NARS2: variants seen among roughly 807,000 people sequenced by gnomAD.
NARS2 encodes asparaginyl-tRNA synthetase 2, mitochondrial, also known as asparaginyl-tRNA synthetase.
Under a neutral mutation model 62.9 loss-of-function variants are expected in NARS2, and 60 were observed. That is an observed-to-expected ratio of 0.95 (90% CI 0.77 to 1.18). NARS2 has a LOEUF of 1.18. Among genes scored for constraint, NARS2 ranks in the 50% most tolerant of loss-of-function variants. The pLI, the probability that NARS2 is intolerant of heterozygous loss-of-function variation, is 0.00. For synonymous variants in NARS2, 196 were observed against 200.0 expected, an observed-to-expected ratio of 0.98 and a Z score of 0.17; for missense variants, 619 against 576.4, an observed-to-expected ratio of 1.07 and a Z score of -0.76.
chr11:78,543,008 G>C (rs899559860), intron 5 of NARS2, among the ~76,000 whole-genome samples: 5 of 152,080 alleles, frequency 3.3e-5, no homozygotes, highest in Non-Finnish European at 7.4e-5. Context: ...TTTACCTCTG[G>C]CTGTGGTAAT....
At chr11:78,538,770 C>T (rs1043663855) in intron 5 of NARS2, among the ~76,000 whole-genome samples, 64 of 151,230 alleles carry the variant, frequency 4.2e-4, no homozygotes, top group Non-Finnish European at 6.9e-4. Flanking sequence ...CCGAGGCGGG[C>T]GGATCACGAG....
At position 78,510,100 on chromosome 11, in the gene NARS2, A is replaced by G. The variant is rs113006321; in HGVS notation, c.690-16905T>C. On this transcript the variant is annotated intron_variant, in intron 6 of 13. Transcript: ENST00000281038. ...AAAAGCTATAAAGTATATAGAAAAC[A>G]AATAGCAAAATGAGAGAAGTTCCTC... Among the ~76,000 whole-genome samples, 361 of 152,332 alleles carry G rather than the reference A, an allele frequency of 2.4e-3. 1 individual carries two copies. Among genetic ancestry groups the G allele is most frequent in the African/African-American group, 8.0e-3 (333 of 41,580 alleles).
intron 11 of NARS2, among the ~76,000 whole-genome samples, chr11:78,456,915 G>T (rs1252367395): frequency 6.6e-6 from 1 of 152,148 alleles, no homozygotes; most frequent in Admixed American, 6.5e-5. Context: ...GATCAAATAT[G>T]CTCAGTAATT....
chr11:78,457,748 C>T (rs1014263910), intron 11 of NARS2, among the ~76,000 whole-genome samples: 2 of 151,020 alleles, frequency 1.3e-5, no homozygotes, highest in East Asian at 1.9e-4. Flanking sequence ...CTTGTGAGTG[C>T]GATCTATGAG....
chr11:78,526,683 CTG>C (rs1048755721), intron 6 of NARS2, among the ~76,000 whole-genome samples: 1 of 152,090 alleles, frequency 6.6e-6, no homozygotes, highest in Non-Finnish European at 1.5e-5. Flanking sequence ...TCACAGAACA[CTG>C]TGTTCTGTGG....
intron 7 of NARS2, among the ~76,000 whole-genome samples, chr11:78,487,107 G>A (rs1859608069): frequency 6.6e-6 from 1 of 152,022 alleles, no homozygotes; most frequent in Admixed American, 6.6e-5. Context: ...TGTAATCCCA[G>A]CACTTTGGGA....
chr11:78,499,462 T>C (rs900388812), intron 6 of NARS2, among the ~76,000 whole-genome samples: 3 of 151,986 alleles, frequency 2.0e-5, no homozygotes, highest in African/African-American at 7.2e-5. Flanking sequence ...AGCAGTGGGA[T>C]GGGATTAAGG....
intron 5 of NARS2, among the ~76,000 whole-genome samples, chr11:78,532,137 C>G (rs1337853217): frequency 1.3e-5 from 2 of 152,114 alleles, no homozygotes; most frequent in African/African-American, 4.8e-5. Context: ...AATTTGTAAT[C>G]TTACGTACTT....
intron 11 of NARS2, among the ~76,000 whole-genome samples, chr11:78,455,965 G>A (rs1303094618): frequency 6.6e-6 from 1 of 151,822 alleles, no homozygotes; most frequent in Non-Finnish European, 1.5e-5. Context: ...TGTCAATTTG[G>A]AACGTCAAAA....
intron 6 of NARS2, among the ~76,000 whole-genome samples, chr11:78,507,522 CT>C (rs71046973): frequency 6.4e-4 from 90 of 140,558 alleles, no homozygotes; most frequent in Admixed American, 1.1e-3. Context: ...TTCTTTTATT[CT>C]TTTTTTTTTT....
intron 6 of NARS2, 90 bp from the exon 7 acceptor site, chr11:78,493,285 G>T: frequency 8.0e-7 from 1 of 1,255,680 alleles, no homozygotes; most frequent in Non-Finnish European, 1.1e-6. Context: ...GGAAAATAAA[G>T]TTTTGTGTGC....
At chr11:78,562,851 T>A (rs553740429) in intron 4 of NARS2, among the ~76,000 whole-genome samples, 5 of 151,314 alleles carry the variant, frequency 3.3e-5, no homozygotes, top group Non-Finnish European at 5.9e-5. Context: ...AAGTTTCCAT[T>A]TTTCCCCCAC....
At chr11:78,464,631 T>C (rs879095846) in intron 11 of NARS2, among the ~76,000 whole-genome samples, 9 of 152,092 alleles carry the variant, frequency 5.9e-5, no homozygotes, top group South Asian at 2.1e-4. Flanking sequence ...AGGGTGCTGA[T>C]TGGTGTGTTT....
At chr11:78,466,144 A>G in intron 10 of NARS2, 131 bp from the exon 11 acceptor site, 1 of 864,970 alleles carries the variant, frequency 1.2e-6, no homozygotes. Flanking sequence ...GCTAGCTGCT[A>G]AGGTTACACA....
intron 7 of NARS2, among the ~76,000 whole-genome samples, chr11:78,483,461 A>T (rs1477468055): frequency 6.6e-6 from 1 of 152,242 alleles, no homozygotes; most frequent in Non-Finnish European, 1.5e-5. Flanking sequence ...CTCTGTTTAC[A>T]GATGACATGA....
intron 13 of NARS2, among the ~76,000 whole-genome samples, chr11:78,440,696 C>A (rs1430578789): frequency 6.6e-6 from 1 of 152,020 alleles, no homozygotes; most frequent in Non-Finnish European, 1.5e-5. Flanking sequence ...CCATACCCGG[C>A]TAATTTTTTT....
intron 5 of NARS2, among the ~76,000 whole-genome samples, chr11:78,542,912 A>AT (rs1251315729): frequency 1.3e-5 from 2 of 151,958 alleles, no homozygotes; most frequent in Non-Finnish European, 2.9e-5. Context: ...GTCAAAACAA[A>AT]CCCCCCCACA....
chr11:78,561,342 G>A (rs943528074), intron 4 of NARS2, among the ~76,000 whole-genome samples: 1 of 152,204 alleles, frequency 6.6e-6, no homozygotes, highest in Admixed American at 6.5e-5. Context: ...TAAATAGCAA[G>A]GAGTGGTTAA....
chr11:78,468,039 GA>G (rs779408846), intron 10 of NARS2, among the ~76,000 whole-genome samples: 5,147 of 86,068 alleles, frequency 0.06, 277 homozygotes, highest in African/African-American at 0.17. Context: ...AGTAAGTATT[GA>G]AAAAAAAAAA....
Sources: allele counts gnomAD v4.1 joint callset (sites outside exome capture counted in the v4.1 genomes callset), GRCh38; gene constraint gnomAD v4.1.1; transcripts MANE v1.5; gene names NCBI Gene and HGNC (gene_info 2026-07-23, HGNC 2026-07-21).